Variants in ZNF331 observed in about 807,000 individuals in gnomAD.
The protein encoded by ZNF331 is C2H2-like zinc finger protein rearranged in thyroid adenomas.
ZNF331 carries 2 observed loss-of-function variants against 7.0 expected under a neutral mutation model. The ratio of observed to expected loss-of-function variants is 0.29; its 90% confidence interval spans 0.12 to 0.90. ZNF331 has a LOEUF of 0.90. Ranked by LOEUF, ZNF331 falls within the 40% of genes least tolerant of loss-of-function variation. ZNF331 has a pLI of 0.58. For synonymous variants in ZNF331, 196 were observed against 205.4 expected (o/e 0.95, Z 0.39); for missense variants, 432 against 587.7 (o/e 0.74, Z 2.74).
intron 3 of ZNF331, among the ~76,000 whole-genome samples, chr19:53,557,828 G>T (rs879870158): frequency 3.3e-5 from 5 of 152,184 alleles, no homozygotes; most frequent in African/African-American, 4.8e-5. Context: ...GCTGGGTGTG[G>T]TGGCGCATGC....
chr19:53,515,757 A>C (rs945945476), upstream of ZNF331, among the ~76,000 whole-genome samples: 1 of 152,076 alleles, frequency 6.6e-6, no homozygotes, highest in African/African-American at 2.4e-5. Flanking sequence ...TCGGCCTCCC[A>C]AAGTACTGGG....
chr19:53,566,316 A>T (rs1427328402), intron 3 of ZNF331, among the ~76,000 whole-genome samples: 1 of 152,108 alleles, frequency 6.6e-6, no homozygotes, highest in East Asian at 1.9e-4. Flanking sequence ...GTTTTGGGTC[A>T]GAGTTTTGCT....
rs183036646 is a variant in ZNF331 at position 53,542,612 on chromosome 19, A to G, written c.-138+3330A>G. On this transcript the variant is annotated intron_variant, in intron 2 of 5. Coordinates refer to ENST00000449416, the MANE Select transcript of ZNF331 (RefSeq NM_001079906.2). ...CATCTTCTCAGATTAGAGTCATTAA[A>G]TTAGATTTTCTTATGCAGAACAATG... 1.5e-3 allele frequency among the ~76,000 whole-genome samples: 233 copies of G among 152,352 alleles called. 4 individuals carry two copies. Among genetic ancestry groups the G allele is most frequent in the Admixed American group, 0.012 (180 of 15,304 alleles).
chr19:53,562,363 A>T (rs1318312476), intron 3 of ZNF331, among the ~76,000 whole-genome samples: 2 of 152,078 alleles, frequency 1.3e-5, no homozygotes, highest in African/African-American at 4.8e-5. Flanking sequence ...CAATAGTTAA[A>T]AATGTTCACA....
intron 2 of ZNF331, among the ~76,000 whole-genome samples, chr19:53,540,683 G>A (rs118126167): frequency 0.035 from 3,306 of 95,804 alleles, 60 homozygotes; most frequent in Middle Eastern, 0.062. Context: ...TTAATTAGCC[G>A]GCCTCAGCCT....
At chr19:53,569,225 G>A (rs1253384331) in intron 3 of ZNF331, 79 bp from the exon 4 acceptor site, 16 of 724,244 alleles carry the variant, frequency 2.2e-5, no homozygotes. Context: ...AGCCAAGACA[G>A]AGGAGCCAAA....
intron 2 of ZNF331, among the ~76,000 whole-genome samples, chr19:53,551,888 C>A (rs1200736258): frequency 6.6e-6 from 1 of 152,114 alleles, no homozygotes; most frequent in Non-Finnish European, 1.5e-5. Context: ...TTTTGATATT[C>A]AGGGGGGTTC....
the ZNF331 span, among the ~76,000 whole-genome samples, chr19:53,505,917 G>A: frequency 1.6e-4 from 25 of 152,068 alleles, 1 homozygote; most frequent in Middle Eastern, 6.8e-3. Flanking sequence ...CATGGGAGGC[G>A]GAGGTCGCAC....
Position 53,577,949 on chromosome 19 carries a change from T to C in ZNF331, c.1389T>C (p.Ser463=), listed in dbSNP as rs748075732. 1 of 1,608,180 alleles carries C rather than the reference T, an allele frequency of 6.2e-7. No homozygotes were observed. Among genetic ancestry groups the C allele is most frequent in the African/African-American group, 1.3e-5 (1 of 74,776 alleles). Residue 463 remains serine (S), a synonymous_variant, in exon 6 of 6, where the codon AGT becomes AGC. Transcript: ENST00000449416. ...GAGAACATCAGAGGATCCACAACAGTTGAAGAGCCTTTTGAACGCAGTAGC... is the reference window on the plus strand; with the variant it reads ...GAGAACATCAGAGGATCCACAACAGCTGAAGAGCCTTTTGAACGCAGTAGC... The part of the protein sequence containing the change: ...HLREHQRIHN[S]
chr19:53,506,334 CAA>C, the ZNF331 span, among the ~76,000 whole-genome samples: 352 of 39,544 alleles, frequency 8.9e-3, 8 homozygotes, highest in African/African-American at 0.03. Context: ...GACTCCGTCT[CAA>C]AAAAAAAAAA....
chr19:53,536,213 A>T (rs529045477), upstream of ZNF331: 39 of 152,210 alleles, frequency 2.6e-4, no homozygotes, highest in African/African-American at 8.9e-4. Context: ...GAGATATGTT[A>T]CTGATTTTTT....
At chr19:53,508,662 T>C in the ZNF331 span, among the ~76,000 whole-genome samples, 1 of 152,102 alleles carries the variant, frequency 6.6e-6, no homozygotes, top group African/African-American at 2.4e-5. Context: ...AAATATGAGA[T>C]TTCTCTCTCT....
intron 2 of ZNF331, among the ~76,000 whole-genome samples, chr19:53,544,389 C>CA (rs1490433369): frequency 6.3e-5 from 9 of 142,746 alleles, no homozygotes; most frequent in East Asian, 4.4e-4. Context: ...ACTAAAAATA[C>CA]AAAAAATTAG....
At chr19:53,564,729 A>G (rs944049489) in intron 3 of ZNF331, among the ~76,000 whole-genome samples, 1 of 152,202 alleles carries the variant, frequency 6.6e-6, no homozygotes, top group African/African-American at 2.4e-5. Flanking sequence ...GAGATATTTC[A>G]GTTGTTTTCA....
At chr19:53,544,406 G>A (rs559990763) in intron 2 of ZNF331, among the ~76,000 whole-genome samples, 71 of 149,326 alleles carry the variant, frequency 4.8e-4, no homozygotes, top group African/African-American at 1.6e-3. Context: ...TTAGCCGGGC[G>A]AGGTAGTGGG....
intron 2 of ZNF331, among the ~76,000 whole-genome samples, chr19:53,542,001 C>CA (rs780855744): frequency 0.23 from 32,425 of 142,274 alleles, 3,644 homozygotes; most frequent in African/African-American, 0.28. Context: ...GACAGTGTCT[C>CA]AAAAAAAAAA....
In ZNF331 at chr19:53,571,531, G is replaced by A; in HGVS notation, c.10-73G>A. ...TCACGGTGTTCACCCTACCCAGAGG[G>A]TGGCCTCCTGTCTCCTTCATCTGGA... On this transcript the variant is annotated intron_variant, in intron 4 of 5. Coordinates refer to ENST00000449416, the MANE Select transcript of ZNF331 (RefSeq NM_001079906.2). This position sits in a 1 kb window ranked among gnomAD's most constrained non-coding sequence, Gnocchi z 4.7. The A allele has an allele frequency of 1.3e-6, 2 of 1,581,854 alleles. No homozygotes were observed. Among genetic ancestry groups the A allele is most frequent in the South Asian group, 1.2e-5 (1 of 84,508 alleles).
At chr19:53,550,817 G>A (rs972388736) in intron 2 of ZNF331, among the ~76,000 whole-genome samples, 8 of 146,150 alleles carry the variant, frequency 5.5e-5, no homozygotes, top group African/African-American at 2.0e-4. Context: ...GATTACAGGC[G>A]TGAGCCACCA....
chr19:53,529,941 CATTCTTGCATTGCT>C (rs370944147), intron 2 of ZNF331, among the ~76,000 whole-genome samples: 227 of 152,224 alleles, frequency 1.5e-3, no homozygotes, highest in African/African-American at 5.2e-3. Context: ...TCGGGTAGGC[CATTCTTGCATTGCT>C]ATCAAGAAAT....
Sources: allele counts gnomAD v4.1 joint callset (sites outside exome capture counted in the v4.1 genomes callset), GRCh38; gene constraint gnomAD v4.1.1; non-coding constraint Gnocchi (gnomAD v3.1); transcripts MANE v1.5; gene names NCBI Gene and HGNC (gene_info 2026-07-23, HGNC 2026-07-21).